ST3GAL4: variants seen among roughly 807,000 people sequenced by gnomAD.
The protein encoded by ST3GAL4 is CMP-N-acetylneuraminate-beta-galactosamide-alpha-2,3-sialyltransferase 4.
ST3GAL4 carries 24 observed loss-of-function variants against 42.6 expected under a neutral mutation model. The ratio of observed to expected loss-of-function variants is 0.56; its 90% CI spans 0.41 to 0.79. ST3GAL4 has a LOEUF of 0.79. ST3GAL4 is among the 30% of genes least tolerant of loss of function. The pLI, the probability that ST3GAL4 is intolerant of heterozygous loss-of-function variation, is 0.00. For synonymous variants in ST3GAL4, 135 were observed against 163.2 expected, an observed-to-expected ratio of 0.83 and a Z score of 1.32; for missense variants, 311 against 430.8, an observed-to-expected ratio of 0.72 and a Z score of 2.46.
chr11:126,400,660 A>G lies in ST3GAL4; in HGVS notation c.-60-5436A>G, dbSNP rs1429113833. 6.6e-6 allele frequency among the ~76,000 whole-genome samples: 1 copy of G among 152,180 alleles called. No individual in the cohort carries two copies. Among genetic ancestry groups the G allele is most frequent in the Non-Finnish European group, 1.5e-5 (1 of 68,028 alleles). ...GCAAGAGGGTGATTTGATCCATATCATTTCTTAGAAGGATACCATGTTGGC... is the reference window on the plus strand; with the variant it reads ...GCAAGAGGGTGATTTGATCCATATCGTTTCTTAGAAGGATACCATGTTGGC... On this transcript the variant is annotated intron_variant, in intron 1 of 10. Transcript: ENST00000444328. The surrounding 1 kb of genome is among the most constrained non-coding windows in gnomAD (Gnocchi z 4.6).
At chr11:126,390,618 C>CTTTTTTTTTTTTTTTTTTTTTT (rs58153137) in intron 1 of ST3GAL4, among the ~76,000 whole-genome samples, 12 of 126,678 alleles carry the variant, frequency 9.5e-5, no homozygotes, top group African/African-American at 2.9e-4. Flanking sequence ...GTGTTCTTTG[C>CTTTTTTTTTTTTTTTTTTTTTT]TTTTTTTTTT....
Position 126,366,548 on chromosome 11 carries a change from C to G in ST3GAL4, c.-61+10706C>G, listed in dbSNP as rs1486890203. Among the ~76,000 whole-genome samples, 2 of 152,160 alleles carry G rather than the reference C, an allele frequency of 1.3e-5. No homozygotes were observed. The highest frequency in any genetic ancestry group is 2.9e-5 in the Non-Finnish European group (2 of 68,012). On this transcript the variant is annotated intron_variant, in intron 1 of 10. Transcript: ENST00000444328. The surrounding 1 kb of genome is among the most constrained non-coding windows in gnomAD (Gnocchi z 4.2). ...GCTTCCCACGTCTTCATTGAGTCCT[C>G]ATCTGGGGGCCCTGTTCCACTCTCC...
chr11:126,413,830 C>G, intron 10 of ST3GAL4, 131 bp from the exon 11 acceptor site: 2 of 1,399,836 alleles, frequency 1.4e-6, no homozygotes, highest in East Asian at 4.8e-5. Flanking sequence ...GCTTTGTCTT[C>G]CTTCCAAGAG....
chr11:126,355,927 C>T lies in ST3GAL4; in HGVS notation c.-61+85C>T, dbSNP rs563141107. On this transcript the variant is annotated intron_variant, in intron 1 of 10. Transcript: ENST00000444328. The surrounding 1 kb of genome is among the most constrained non-coding windows in gnomAD (Gnocchi z 7.1). Reference sequence around the variant, plus strand: ...GGGTCCTCGGCCGCCTGACCCCAGCCGGCGCCGCGCCTCCCGGAGGGGGTC... The same window carrying T: ...GGGTCCTCGGCCGCCTGACCCCAGCTGGCGCCGCGCCTCCCGGAGGGGGTC... 2.0e-4 allele frequency: 30 copies of T among 150,558 alleles called. No homozygotes were observed. The East Asian group carries it at 4.3e-3, about 21-fold the overall frequency. The allele number at this position is 150,558 out of a possible 1,614,324, so 9.3% of individuals were successfully genotyped here.
intron 1 of ST3GAL4, among the ~76,000 whole-genome samples, chr11:126,371,303 T>C (rs1017759071): frequency 2.8e-4 from 43 of 151,708 alleles, no homozygotes; most frequent in African/African-American, 1.0e-3. Flanking sequence ...TAGCTGGGAT[T>C]ACAGACGCAC....
chr11:126,405,727 A>G (rs779263509), intron 1 of ST3GAL4: 5 of 255,218 alleles, frequency 2.0e-5, no homozygotes, highest in African/African-American at 4.5e-5. Context: ...TTGTCTCAAC[A>G]GTGGGCGGGG....
At position 126,383,416 on chromosome 11, in the gene ST3GAL4, G is replaced by C. The variant is rs905656681; in HGVS notation, c.-60-22680G>C. Among the ~76,000 whole-genome samples the C allele has an allele frequency of 1.3e-5, 2 of 152,174 alleles. No homozygotes were observed. The highest frequency in any genetic ancestry group is 2.4e-5 in the African/African-American group (1 of 41,462). The stretch of plus-strand genomic sequence containing the variant: ...GGGGTGGGAGGAACCCACTGGGCCT[G>C]AGGGAGGTAGAGCAGCAGCAGCAGC... On this transcript the variant is annotated intron_variant, in intron 1 of 10. Transcript: ENST00000444328. The surrounding 1 kb of genome is among the most constrained non-coding windows in gnomAD (Gnocchi z 4.5).
chr11:126,361,753 A>G (rs1477670297), intron 1 of ST3GAL4, among the ~76,000 whole-genome samples: 3 of 152,084 alleles, frequency 2.0e-5, no homozygotes, highest in Non-Finnish European at 4.4e-5. Context: ...AGGTGGTTGT[A>G]TGGAGCTGTG....
rs1421475231 is a variant in ST3GAL4 at position 126,386,513 on chromosome 11, A to G, written c.-60-19583A>G. Among the ~76,000 whole-genome samples, 2 of 152,044 alleles carry G rather than the reference A, an allele frequency of 1.3e-5. No individual in the cohort carries two copies. Among genetic ancestry groups the G allele is most frequent in the African/African-American group, 4.8e-5 (2 of 41,396 alleles). ...CTGTGGAACAAGTAGGGAAGGAGTG[A>G]TGTGACCTCTGTGGCTCTCCTGGGA... On this transcript the variant is annotated intron_variant, in intron 1 of 10. Coordinates refer to ENST00000444328, the MANE Select transcript of ST3GAL4 (RefSeq NM_001254757.2). This position sits in a 1 kb window ranked among gnomAD's most constrained non-coding sequence, Gnocchi z 4.7.
rs1419473592 is a variant in ST3GAL4, at chr11:126,410,985, G to A, written c.771+1574G>A. On this transcript the variant is annotated intron_variant, in intron 9 of 10. Coordinates refer to ENST00000444328, the MANE Select transcript of ST3GAL4 (RefSeq NM_001254757.2). The surrounding 1 kb of genome is among the most constrained non-coding windows in gnomAD (Gnocchi z 5.3). The stretch of plus-strand genomic sequence containing the variant: ...CAGGCGGCTCCTCCAGCACTGAACT[G>A]TTTCCAGTACAAGTGGCGTTGAAGG... 6.6e-6 allele frequency among the ~76,000 whole-genome samples: 1 copy of A among 152,184 alleles called. No homozygotes were observed. The highest frequency in any genetic ancestry group is 1.5e-5 in the Non-Finnish European group (1 of 68,024).
Position 126,383,458 on chromosome 11 carries a change from C to T in ST3GAL4, c.-60-22638C>T, listed in dbSNP as rs112709239. ...AGCAGCAGCAGCTGAGCCCAGCCCC[C>T]GGCCAGCCCTGAGGAATGGGGGAAA... is the stretch of plus-strand genomic sequence containing the variant. On this transcript the variant is annotated intron_variant, in intron 1 of 10. Transcript: ENST00000444328. This position sits in a 1 kb window ranked among gnomAD's most constrained non-coding sequence, Gnocchi z 4.5. 4.6e-5 allele frequency among the ~76,000 whole-genome samples: 7 copies of T among 152,264 alleles called. No individual in the cohort carries two copies. The highest frequency in any genetic ancestry group is 2.6e-4 in the Admixed American group (4 of 15,302).
intron 1 of ST3GAL4, among the ~76,000 whole-genome samples, chr11:126,357,180 C>T (rs975928120): frequency 2.6e-5 from 4 of 152,118 alleles, no homozygotes; most frequent in Non-Finnish European, 5.9e-5. Flanking sequence ...GCCCCTTGAC[C>T]GTTCCCTGCC....
At chr11:126,407,538 T>G (rs1181938709) in intron 5 of ST3GAL4, 36 bp from the exon 6 acceptor site, 1 of 1,613,594 alleles carries the variant, frequency 6.2e-7, no homozygotes, top group Non-Finnish European at 8.5e-7. Flanking sequence ...GAATGCTATC[T>G]GTCACATCAG....
At chr11:126,364,182 T>A (rs991435770) in intron 1 of ST3GAL4, among the ~76,000 whole-genome samples, 63 of 152,244 alleles carry the variant, frequency 4.1e-4, no homozygotes, top group Admixed American at 1.3e-3. Context: ...TGGATTTGGT[T>A]TGACAACAAA....
intron 1 of ST3GAL4, among the ~76,000 whole-genome samples, chr11:126,362,388 T>TG (rs546217632): frequency 2.1e-4 from 32 of 150,350 alleles, no homozygotes; most frequent in African/African-American, 6.9e-4. Context: ...TTAGTAGAGA[T>TG]GGGGGTCTCA....
At chr11:126,380,636 G>A (rs1052779816) in intron 1 of ST3GAL4, among the ~76,000 whole-genome samples, 1 of 152,188 alleles carries the variant, frequency 6.6e-6, no homozygotes, top group African/African-American at 2.4e-5. Context: ...AGAGTGATGA[G>A]GGCAATGATA....
chr11:126,403,431 A>C, intron 1 of ST3GAL4: 1 of 985,462 alleles, frequency 1.0e-6, no homozygotes, highest in Non-Finnish European at 1.2e-6. Flanking sequence ...ACAAAAGGTG[A>C]AATGAGCTCT....
chr11:126,403,687 G>A (rs540349071), intron 1 of ST3GAL4, among the ~76,000 whole-genome samples: 1 of 152,316 alleles, frequency 6.6e-6, no homozygotes, highest in East Asian at 1.9e-4. Context: ...GATGGAGAGA[G>A]GGAGCAGGGA....
rs1228424057 is a variant in ST3GAL4, at chr11:126,410,655, C to G, written c.771+1244C>G. ...TGTTTACTGAACATTTCCTGTTATT[C>G]CATGTTCTGTGTTGAATGGCTGCTT... is the stretch of plus-strand genomic sequence containing the variant. On this transcript the variant is annotated intron_variant, in intron 9 of 10. Coordinates refer to ENST00000444328, the MANE Select transcript of ST3GAL4 (RefSeq NM_001254757.2). The surrounding 1 kb of genome is among the most constrained non-coding windows in gnomAD (Gnocchi z 5.3). Among the ~76,000 whole-genome samples the G allele has an allele frequency of 6.6e-6, 1 of 152,148 alleles. No homozygotes were observed. Among genetic ancestry groups the G allele is most frequent in the Non-Finnish European group, 1.5e-5 (1 of 68,040 alleles).
Sources: allele counts gnomAD v4.1 joint callset (sites outside exome capture counted in the v4.1 genomes callset), GRCh38; gene constraint gnomAD v4.1.1; non-coding constraint Gnocchi (gnomAD v3.1); transcripts MANE v1.5; gene names NCBI Gene and HGNC (gene_info 2026-07-23, HGNC 2026-07-21).